INTS3: variants seen among roughly 807,000 people sequenced by gnomAD.
INTS3 encodes the protein integrator complex subunit 3.
Under a neutral mutation model 146.3 loss-of-function variants are expected in INTS3, and 34 were observed. That is an observed-to-expected ratio of 0.23 (90% CI 0.18 to 0.31). The LOEUF (loss-of-function observed/expected upper bound fraction) is 0.31, where lower values mean the gene tolerates loss of function less well. Among genes scored for constraint, INTS3 ranks in the 10% least tolerant of loss-of-function variants. The pLI, the probability that INTS3 is intolerant of heterozygous loss-of-function variation, is 1.00. For synonymous variants in INTS3, 475 were observed against 494.9 expected, an observed-to-expected ratio of 0.96 and a Z score of 0.53; for missense variants, 757 against 1,304.2, an observed-to-expected ratio of 0.58 and a Z score of 6.46.
chr1:153,769,979 C>A, intron 23 of INTS3, 135 bp downstream of exon 23: 1 of 718,530 alleles, frequency 1.4e-6, no homozygotes, highest in Non-Finnish European at 2.5e-6. Context: ...CACCCTGGTG[C>A]GGTCTGGGGC....
intron 20 of INTS3, among the ~76,000 whole-genome samples, chr1:153,766,113 C>G: frequency 7.6e-6 from 1 of 131,106 alleles, no homozygotes; most frequent in Admixed American, 7.4e-5. Flanking sequence ...TTTTTTCTTT[C>G]TCTTTTTTTT....
chr1:153,768,350 C>A (rs1672679828), intron 21 of INTS3, among the ~76,000 whole-genome samples: 1 of 152,184 alleles, frequency 6.6e-6, no homozygotes, highest in African/African-American at 2.4e-5. Context: ...CAGGGCATGA[C>A]AGGAGGAACT....
At chr1:153,733,747 A>C (rs1185988623) in intron 1 of INTS3, among the ~76,000 whole-genome samples, 5 of 149,196 alleles carry the variant, frequency 3.4e-5, no homozygotes, top group Non-Finnish European at 7.4e-5. Flanking sequence ...TGGGACTACA[A>C]GTGTGCGCCA....
At chr1:153,752,195 T>C (rs903891744) in intron 7 of INTS3, 84 bp from the exon 8 acceptor site, 56 of 1,327,560 alleles carry the variant, frequency 4.2e-5, no homozygotes, top group Admixed American at 3.1e-4. Context: ...CTAGAACATG[T>C]TGTTCCTTTG....
At chr1:153,758,949 C>T (rs923727314) in intron 10 of INTS3, among the ~76,000 whole-genome samples, 1 of 151,826 alleles carries the variant, frequency 6.6e-6, no homozygotes, top group Non-Finnish European at 1.5e-5. Flanking sequence ...TCTACCAAAA[C>T]AAAACAAAAC....
At chr1:153,767,631 C>T in intron 20 of INTS3, 43 bp from the exon 21 acceptor site, 1 of 1,520,754 alleles carries the variant, frequency 6.6e-7, no homozygotes. Context: ...TGAAGGTGGG[C>T]ACTGGGGTCA....
In INTS3 at chr1:153,770,307, C is replaced by T. The variant is rs1341212444; in HGVS notation, c.2499C>T (p.Tyr833=). ...TCCCCATCCTGCAGCACCTCAAATA[C>T]AAGGGTGAGTAGGCTTTTGGGTAGG... ...TIIPILQHLK[Y]KEHPEALSCL... The change falls in exon 24 of 30, where the codon TAC becomes TAT. Residue 833 remains tyrosine (Y), a synonymous_variant. Transcript: ENST00000318967. The T allele has an allele frequency of 1.9e-6, 3 of 1,590,732 alleles. No homozygotes were observed. The highest frequency in any genetic ancestry group is 2.2e-5 in the East Asian group (1 of 44,782).
chr1:153,768,568 G>C (rs1456085328), intron 21 of INTS3, among the ~76,000 whole-genome samples: 1 of 152,166 alleles, frequency 6.6e-6, no homozygotes, highest in Admixed American at 6.5e-5. Context: ...CTCCCACACA[G>C]AATCAGCCAC....
chr1:153,743,028 G>A (rs76318529), intron 3 of INTS3, among the ~76,000 whole-genome samples: 2,037 of 152,322 alleles, frequency 0.013, 99 homozygotes, highest in Admixed American at 0.09. Flanking sequence ...AGTTTTAGGC[G>A]GGTGAGGAAC....
intron 1 of INTS3, among the ~76,000 whole-genome samples, chr1:153,740,368 A>G (rs752921580): frequency 6.6e-6 from 1 of 152,116 alleles, no homozygotes; most frequent in Non-Finnish European, 1.5e-5. Context: ...CTAAAGTGCT[A>G]GGATTAGAGG....
intron 3 of INTS3, among the ~76,000 whole-genome samples, chr1:153,744,050 T>TGC (rs1671638090): frequency 7.0e-6 from 1 of 143,158 alleles, no homozygotes; most frequent in African/African-American, 2.5e-5. Context: ...TGTGTGTGTG[T>TGC]GTGTGTGTGT....
In INTS3 at chr1:153,756,843, G is replaced by A. The variant is rs369981597; in HGVS notation, c.958-729G>A. 1.9e-3 allele frequency among the ~76,000 whole-genome samples: 287 copies of A among 152,208 alleles called. 2 individuals are homozygous for A. The highest frequency in any genetic ancestry group is 6.6e-3 in the African/African-American group (276 of 41,552). On this transcript the variant is annotated intron_variant, in intron 9 of 29. Transcript: ENST00000318967. ...AAAAAAATAAAATAAATAATAATTC[G>A]ATATCTCAGTTACAATAGCTGCATT...
Position 153,749,158 on chromosome 1 carries a change from A to G in INTS3, c.584+403A>G, listed in dbSNP as rs200474826. Among the ~76,000 whole-genome samples, 4 of 152,162 alleles carry G rather than the reference A, an allele frequency of 2.6e-5. No homozygotes were observed. In the East Asian group the frequency reaches 7.7e-4, roughly 29 times the overall value. ...CTCCATCCAACCCCTGCTCTTTTTG[A>G]AGTGGCACAGGGGGCAGTTGGGGTG... On this transcript the variant is annotated intron_variant, in intron 6 of 29. Coordinates refer to ENST00000318967, the MANE Select transcript of INTS3 (RefSeq NM_023015.5).
chr1:153,758,129 C>T (rs1483671273), intron 10 of INTS3, among the ~76,000 whole-genome samples: 1 of 152,208 alleles, frequency 6.6e-6, no homozygotes, highest in Non-Finnish European at 1.5e-5. Context: ...CACCACCATG[C>T]CTTTTTGGCA....
intron 24 of INTS3, 138 bp from the exon 25 acceptor site, chr1:153,770,547 G>C: frequency 3.9e-6 from 3 of 762,880 alleles, no homozygotes; most frequent in Non-Finnish European, 6.6e-6. Context: ...GATAGGAGTG[G>C]GGTAGGGGAT....
chr1:153,757,478 A>C lies in INTS3; in HGVS notation c.958-94A>C. ...ATGAATTGTGGAGAAATAGAGGTCT[A>C]GGGCAAACCTAGAGTTAAGTGGTGC... is the stretch of plus-strand genomic sequence containing the variant. On this transcript the variant is annotated intron_variant, in intron 9 of 29. Coordinates refer to ENST00000318967, the MANE Select transcript of INTS3 (RefSeq NM_023015.5). This position sits in a 1 kb window ranked among gnomAD's most constrained non-coding sequence, Gnocchi z 4.0. 9.6e-7 allele frequency: 1 copy of C among 1,043,614 alleles called. No individual in the cohort carries two copies. Among genetic ancestry groups the C allele is most frequent in the Admixed American group, 2.0e-5 (1 of 50,864 alleles). The allele number at this position is 1,043,614 out of a possible 1,614,324, so 64.6% of individuals were successfully genotyped here. A position where few individuals can be genotyped will look rare whatever the true frequency, so the allele number is the denominator to read the frequency against.
At chr1:153,742,280 G>A (rs1238940050) in intron 3 of INTS3, among the ~76,000 whole-genome samples, 1 of 152,198 alleles carries the variant, frequency 6.6e-6, no homozygotes, top group African/African-American at 2.4e-5. Flanking sequence ...GGACCTTGTC[G>A]AGTTAAATTG....
At position 153,773,596 on chromosome 1, in the gene INTS3, G is replaced by T. The variant is rs949076893; in HGVS notation, c.*326G>T. 2.3e-6 allele frequency: 1 copy of T among 436,736 alleles called. No homozygotes were observed. 27.1% of individuals were successfully genotyped at this position (436,736 alleles called of 1,614,324 possible). The stretch of plus-strand genomic sequence containing the variant: ...GCCCCTTCCGCAATCTCCTCCCCCA[G>T]TCTCCCAAAGAGCCATTTCAACAGA... On this transcript the variant is annotated 3_prime_UTR_variant, in exon 30 of 30. Transcript: ENST00000318967.
At chr1:153,754,509 T>C in intron 8 of INTS3, 133 bp from the exon 9 acceptor site, 1 of 733,914 alleles carries the variant, frequency 1.4e-6, no homozygotes, top group Non-Finnish European at 2.5e-6. Context: ...TTGACCTCCC[T>C]TGGTCTTGTC....
Sources: allele counts gnomAD v4.1 joint callset (sites outside exome capture counted in the v4.1 genomes callset), GRCh38; gene constraint gnomAD v4.1.1; non-coding constraint Gnocchi (gnomAD v3.1); transcripts MANE v1.5; gene names NCBI Gene and HGNC (gene_info 2026-07-23, HGNC 2026-07-21).